Variants in FBXW11 observed in about 807,000 individuals in gnomAD.
The protein encoded by FBXW11 is F-box and WD repeat domain containing 11.
In FBXW11, 19 loss-of-function variants were observed where a neutral mutation model predicts 77.6. That is an observed-to-expected ratio of 0.24 (90% CI 0.17 to 0.36). FBXW11 has a LOEUF of 0.36. FBXW11 is among the 10% of genes least tolerant of loss of function. The pLI is 1.00. For synonymous variants in FBXW11, 235 were observed against 249.4 expected, an observed-to-expected ratio of 0.94 and a Z score of 0.54; for missense variants, 334 against 704.2, an observed-to-expected ratio of 0.47 and a Z score of 5.95.
intron 1 of FBXW11, among the ~76,000 whole-genome samples, chr5:171,959,917 G>C (rs1215904950): frequency 6.6e-6 from 1 of 151,744 alleles, no homozygotes; most frequent in Non-Finnish European, 1.5e-5. Context: ...AGGGGAATAA[G>C]GGCTAACTGA....
At chr5:171,877,282 C>G (rs552338807) in intron 8 of FBXW11, among the ~76,000 whole-genome samples, 75 of 152,212 alleles carry the variant, frequency 4.9e-4, no homozygotes, top group Non-Finnish European at 8.8e-4. Context: ...AAGAAGGAGG[C>G]TTGTTGGCTG....
At chr5:171,957,353 G>A (rs985228876) in intron 2 of FBXW11, among the ~76,000 whole-genome samples, 2 of 152,114 alleles carry the variant, frequency 1.3e-5, no homozygotes, top group Non-Finnish European at 2.9e-5. Context: ...CTCAAGGTGA[G>A]GGGAAAAGAG....
chr5:171,995,763 A>C (rs1186610882), intron 1 of FBXW11, among the ~76,000 whole-genome samples: 1 of 152,158 alleles, frequency 6.6e-6, no homozygotes, highest in African/African-American at 2.4e-5. Flanking sequence ...AAAAAAAAAA[A>C]ATCATATTAA....
chr5:171,900,710 T>C (rs1431690109), intron 4 of FBXW11, among the ~76,000 whole-genome samples: 1 of 152,232 alleles, frequency 6.6e-6, no homozygotes. Flanking sequence ...AAATGTATTT[T>C]TGTCAATCTT....
chr5:172,001,476 C>A (rs6866049), intron 1 of FBXW11, among the ~76,000 whole-genome samples: 3,523 of 152,234 alleles, frequency 0.023, 132 homozygotes, highest in African/African-American at 0.08. Context: ...AAGCCTACCA[C>A]AAAGAAGACA....
In FBXW11 at chr5:171,927,620, A is replaced by G. The variant is rs561844530; in HGVS notation, c.148-13215T>C. 1.8e-4 allele frequency among the ~76,000 whole-genome samples: 27 copies of G among 152,330 alleles called. No individual in the cohort carries two copies. The East Asian group carries it at 5.2e-3, about 29-fold the overall frequency. Reference sequence around the variant, plus strand: ...ATATATGTAAGTGAAAATTGTTTAAAACATGCTCTTCGGTTAACTGTTTTT... The same window carrying G: ...ATATATGTAAGTGAAAATTGTTTAAGACATGCTCTTCGGTTAACTGTTTTT... On this transcript the variant is annotated intron_variant, in intron 2 of 13. Transcript: ENST00000517395.
At chr5:171,885,231 G>A (rs898885479) in intron 7 of FBXW11, among the ~76,000 whole-genome samples, 9 of 152,142 alleles carry the variant, frequency 5.9e-5, no homozygotes, top group African/African-American at 7.2e-5. Context: ...TTCCCTTCCC[G>A]CTGCTGGAAA....
chr5:171,878,686 A>T (rs1293897917), intron 7 of FBXW11, among the ~76,000 whole-genome samples: 2 of 151,186 alleles, frequency 1.3e-5, no homozygotes, highest in African/African-American at 4.9e-5. Flanking sequence ...ACTACTCAGG[A>T]GGCTGAGGTG....
chr5:171,944,668 C>T (rs1424967341), intron 2 of FBXW11, among the ~76,000 whole-genome samples: 1 of 150,842 alleles, frequency 6.6e-6, no homozygotes, highest in African/African-American at 2.4e-5. Context: ...TTTCTTTCCA[C>T]TTTTACCCCA....
At chr5:171,878,723 A>G (rs1055087750) in intron 7 of FBXW11, among the ~76,000 whole-genome samples, 1 of 151,912 alleles carries the variant, frequency 6.6e-6, no homozygotes, top group Non-Finnish European at 1.5e-5. Flanking sequence ...CCAGAAGGCA[A>G]GGCTGCAGTG....
intron 7 of FBXW11, among the ~76,000 whole-genome samples, chr5:171,879,807 T>C (rs1758382274): frequency 6.6e-6 from 1 of 152,246 alleles, no homozygotes; most frequent in Admixed American, 6.5e-5. Flanking sequence ...GTTAAGCTAA[T>C]TGTTTTTTTT....
chr5:171,983,345 T>C (rs1172552715), intron 1 of FBXW11, among the ~76,000 whole-genome samples: 2 of 152,208 alleles, frequency 1.3e-5, no homozygotes, highest in Non-Finnish European at 2.9e-5. Flanking sequence ...TAATATCCTT[T>C]ATGATAAACT....
At chr5:171,986,442 C>A (rs1207001698) in intron 1 of FBXW11, among the ~76,000 whole-genome samples, 1 of 149,898 alleles carries the variant, frequency 6.7e-6, no homozygotes. Flanking sequence ...TCCGTGTGGA[C>A]CAGGCCAGGT....
intron 3 of FBXW11, among the ~76,000 whole-genome samples, chr5:171,913,443 G>T (rs1314913262): frequency 6.6e-6 from 1 of 152,144 alleles, no homozygotes; most frequent in Non-Finnish European, 1.5e-5. Context: ...TAATAAACGT[G>T]GAGGGTACAA....
intron 2 of FBXW11, among the ~76,000 whole-genome samples, chr5:171,939,847 A>T (rs1762659965): frequency 6.6e-6 from 1 of 151,974 alleles, no homozygotes; most frequent in African/African-American, 2.4e-5. Flanking sequence ...GGATACACAC[A>T]CTCTTCCCGC....
intron 7 of FBXW11, among the ~76,000 whole-genome samples, chr5:171,881,344 G>C (rs557276925): frequency 6.6e-6 from 1 of 152,224 alleles, no homozygotes; most frequent in East Asian, 1.9e-4. Context: ...GTTAGCTATA[G>C]GCTTTTTGTA....
At chr5:171,891,423 A>T (rs1445796583) in intron 7 of FBXW11, 44 bp downstream of exon 7, 1 of 1,544,112 alleles carries the variant, frequency 6.5e-7, no homozygotes, top group African/African-American at 1.4e-5. Flanking sequence ...TCTAACACAT[A>T]GCCACGATTC....
intron 1 of FBXW11, among the ~76,000 whole-genome samples, chr5:171,978,003 T>C (rs1286076192): frequency 1.3e-5 from 2 of 152,020 alleles, no homozygotes; most frequent in Non-Finnish European, 2.9e-5. Flanking sequence ...TCTATAAGGG[T>C]ACCTAGGGGA....
chr5:171,953,588 C>G (rs1033665683), intron 2 of FBXW11, among the ~76,000 whole-genome samples: 1 of 152,068 alleles, frequency 6.6e-6, no homozygotes, highest in African/African-American at 2.4e-5. Context: ...ACATGGAGAA[C>G]CAGGAGCAAG....
Sources: gnomAD v4.1 joint callset for allele counts (sites outside exome capture counted in the v4.1 genomes callset) on GRCh38, gnomAD v4.1.1 for gene constraint, MANE v1.5 for transcripts, NCBI Gene and HGNC (gene_info 2026-07-23, HGNC 2026-07-21) for gene names.